PAPPA2: variants seen among roughly 807,000 people sequenced by gnomAD.
PAPPA2 encodes the protein pappalysin 2.
Under a neutral mutation model 176.4 loss-of-function variants are expected in PAPPA2, and 86 were observed. The ratio of observed to expected loss-of-function variants is 0.49; its 90% CI spans 0.41 to 0.58. PAPPA2 has a LOEUF of 0.58. Among genes scored for constraint, PAPPA2 ranks in the 20% least tolerant of loss-of-function variants. PAPPA2 has a pLI of 0.00. For synonymous variants in PAPPA2, 809 were observed against 852.2 expected, an observed-to-expected ratio of 0.95 and a Z score of 0.88; for missense variants, 2,073 against 2,256.9, an observed-to-expected ratio of 0.92 and a Z score of 1.65.
chr1:176,771,281 C>T (rs1384673952), intron 17 of PAPPA2, 101 bp downstream of exon 17: 5 of 1,223,608 alleles, frequency 4.1e-6, no homozygotes, highest in East Asian at 2.5e-5. Flanking sequence ...CTATATTCTC[C>T]AGTCATGACA....
At chr1:176,820,680 C>G (rs191064451) in intron 21 of PAPPA2, among the ~76,000 whole-genome samples, 2 of 152,306 alleles carry the variant, frequency 1.3e-5, no homozygotes, top group Non-Finnish European at 2.9e-5. Context: ...CTCCTACCCT[C>G]TTTTCCCATC....
At chr1:176,536,929 C>A (rs939646284) in intron 1 of PAPPA2, among the ~76,000 whole-genome samples, 1 of 152,108 alleles carries the variant, frequency 6.6e-6, no homozygotes, top group Non-Finnish European at 1.5e-5. Flanking sequence ...CAGTTCATAA[C>A]CCTATGAGAG....
At position 176,556,469 on chromosome 1, in the gene PAPPA2, T is replaced by G. The variant is rs779215584; in HGVS notation, c.147T>G (p.Arg49=). 1.9e-6 allele frequency: 3 copies of G among 1,614,140 alleles called. No individual in the cohort carries two copies. The South Asian group carries it at 3.3e-5, about 18-fold the overall frequency. Residue 49 remains arginine (R), a synonymous_variant, in exon 2 of 23, where the codon CGT becomes CGG. Transcript: ENST00000367662. ...ATCAGGTGCTGTTGGAAGGAGAACG[T>G]TGTTGGCTGGGGGCCAAGGTTCGAA... ...HLNQVLLEGE[R]CWLGAKVRRP...
chr1:176,691,494 G>T (rs941556774), intron 5 of PAPPA2, among the ~76,000 whole-genome samples: 10 of 152,238 alleles, frequency 6.6e-5, no homozygotes, highest in Admixed American at 4.6e-4. Context: ...TCTGGAGGCA[G>T]CACCTTTGAA....
chr1:176,773,894 A>T (rs192405539), intron 17 of PAPPA2, among the ~76,000 whole-genome samples: 1 of 152,262 alleles, frequency 6.6e-6, no homozygotes, highest in African/African-American at 2.4e-5. Context: ...TCCCTGTTCC[A>T]GCTTTGTCTC....
At chr1:176,546,604 T>C (rs893242682) in intron 1 of PAPPA2, among the ~76,000 whole-genome samples, 3 of 152,160 alleles carry the variant, frequency 2.0e-5, no homozygotes, top group Non-Finnish European at 2.9e-5. Flanking sequence ...CCTGGGAAAA[T>C]TGGACTCAGT....
intron 1 of PAPPA2, among the ~76,000 whole-genome samples, chr1:176,542,288 T>C (rs1650404544): frequency 6.6e-6 from 1 of 152,134 alleles, no homozygotes; most frequent in South Asian, 2.1e-4. Context: ...AACTGGGACA[T>C]AGGAAAGGAT....
At chr1:176,676,934 T>C (rs1659329570) in intron 4 of PAPPA2, among the ~76,000 whole-genome samples, 2 of 152,142 alleles carry the variant, frequency 1.3e-5, no homozygotes, top group South Asian at 4.1e-4. Flanking sequence ...CACTGACTTA[T>C]AATGGAATTG....
intron 6 of PAPPA2, 150 bp from the exon 7 acceptor site, chr1:176,695,588 G>T: frequency 1.2e-6 from 1 of 859,354 alleles, no homozygotes; most frequent in Non-Finnish European, 1.8e-6. Flanking sequence ...AAGAAAAAAC[G>T]ATTGAGATAC....
intron 12 of PAPPA2, among the ~76,000 whole-genome samples, chr1:176,734,629 C>T (rs1204613298): frequency 6.6e-6 from 1 of 152,056 alleles, no homozygotes; most frequent in African/African-American, 2.4e-5. Context: ...CCCCCTTCAT[C>T]CATTAGATTT....
At chr1:176,689,790 A>G (rs549957986) in intron 4 of PAPPA2, among the ~76,000 whole-genome samples, 58 of 152,300 alleles carry the variant, frequency 3.8e-4, no homozygotes, top group Non-Finnish European at 7.9e-4. Flanking sequence ...TTTGGATTCA[A>G]TTCATCTGGG....
At chr1:176,544,501 T>A (rs1650520988) in intron 1 of PAPPA2, among the ~76,000 whole-genome samples, 1 of 152,160 alleles carries the variant, frequency 6.6e-6, no homozygotes, top group Non-Finnish European at 1.5e-5. Context: ...TCAAATACTT[T>A]CGAGTAGGAA....
chr1:176,526,796 G>A (rs1401021311), intron 1 of PAPPA2, among the ~76,000 whole-genome samples: 1 of 152,208 alleles, frequency 6.6e-6, no homozygotes, highest in Non-Finnish European at 1.5e-5. Flanking sequence ...AGGGCTTGAG[G>A]TTGGAAGAAA....
At chr1:176,638,886 A>G (rs1656886760) in intron 3 of PAPPA2, among the ~76,000 whole-genome samples, 1 of 151,602 alleles carries the variant, frequency 6.6e-6, no homozygotes, top group African/African-American at 2.4e-5. Context: ...TCTGGCCTAA[A>G]AATAAACCTG....
At chr1:176,667,830 A>G (rs1229542441) in intron 3 of PAPPA2, among the ~76,000 whole-genome samples, 2 of 152,172 alleles carry the variant, frequency 1.3e-5, no homozygotes, top group African/African-American at 2.4e-5. Flanking sequence ...CTATCAATCT[A>G]CAATAAGGCT....
chr1:176,478,495 T>A (rs1652241286), intron 1 of PAPPA2, among the ~76,000 whole-genome samples: 1 of 152,232 alleles, frequency 6.6e-6, no homozygotes, highest in African/African-American at 2.4e-5. Flanking sequence ...GAGGACTGAA[T>A]GAAAGAACAT....
intron 17 of PAPPA2, among the ~76,000 whole-genome samples, chr1:176,778,875 A>G (rs538678085): frequency 1.3e-5 from 2 of 152,152 alleles, no homozygotes; most frequent in African/African-American, 4.8e-5. Context: ...ATATCTTGCC[A>G]TTGTAGGATA....
chr1:176,784,286 G>T (rs1229254791), intron 17 of PAPPA2, among the ~76,000 whole-genome samples: 1 of 152,086 alleles, frequency 6.6e-6, no homozygotes, highest in Admixed American at 6.6e-5. Context: ...GGAGTCGTTT[G>T]GTTCCTGATG....
At chr1:176,624,689 A>G (rs1655908984) in intron 3 of PAPPA2, among the ~76,000 whole-genome samples, 1 of 152,146 alleles carries the variant, frequency 6.6e-6, no homozygotes, top group African/African-American at 2.4e-5. Context: ...ACTTATTAAG[A>G]TTCATCTTAA....
Sources: gnomAD v4.1 joint callset for allele counts (sites outside exome capture counted in the v4.1 genomes callset) on GRCh38, gnomAD v4.1.1 for gene constraint, MANE v1.5 for transcripts, NCBI Gene and HGNC (gene_info 2026-07-23, HGNC 2026-07-21) for gene names.